Variants in TSNARE1 observed in about 807,000 individuals in gnomAD.
TSNARE1 encodes the protein t-SNARE domain-containing protein 1.
A neutral mutation model predicts 62.0 loss-of-function variants in TSNARE1; 49 were observed. The observed-to-expected ratio is 0.79, with a 90% CI of 0.63 to 1.00. The LOEUF is 1.00. Among genes scored for constraint, TSNARE1 ranks in the 50% least tolerant of loss-of-function variants. The probability of loss-of-function intolerance (pLI) is 0.00; values close to 1 mark genes in which losing one functional copy is unlikely to be tolerated. For missense variants in TSNARE1, 755 were observed against 700.1 expected (o/e 1.08, Z -0.88); for synonymous variants, 328 against 294.4 (o/e 1.11, Z -1.17).
At chr8:142,390,293 G>A (rs10112213) in intron 1 of TSNARE1, among the ~76,000 whole-genome samples, 37 of 107,322 alleles carry the variant, frequency 3.4e-4, no homozygotes, top group South Asian at 6.5e-4. Context: ...TGTACACTGC[G>A]GGGGACTCCG....
chr8:142,368,143 A>G (rs76453853), intron 1 of TSNARE1, among the ~76,000 whole-genome samples: 2 of 152,150 alleles, frequency 1.3e-5, no homozygotes, highest in African/African-American at 2.4e-5. Context: ...AAAAAAAAAA[A>G]GTACCCTAAG....
chr8:142,333,587 T>C (rs1225107980), intron 4 of TSNARE1, among the ~76,000 whole-genome samples: 1 of 152,088 alleles, frequency 6.6e-6, no homozygotes, highest in Non-Finnish European at 1.5e-5. Flanking sequence ...ATATCTGGGT[T>C]TCCACCAGGA....
At chr8:142,279,748 G>A (rs567673392) in intron 11 of TSNARE1, 47 of 442,608 alleles carry the variant, frequency 1.1e-4, no homozygotes, top group African/African-American at 7.1e-4. Flanking sequence ...GGTCTCCCTC[G>A]GAGGGTCTCC....
intron 9 of TSNARE1, among the ~76,000 whole-genome samples, chr8:142,306,472 T>G (rs1826685528): frequency 6.6e-6 from 1 of 152,202 alleles, no homozygotes; most frequent in Non-Finnish European, 1.5e-5. Flanking sequence ...GCTCACTGGC[T>G]GAGCCCAAGC....
At chr8:142,359,675 AC>A (rs998618825) in intron 1 of TSNARE1, among the ~76,000 whole-genome samples, 4 of 152,156 alleles carry the variant, frequency 2.6e-5, no homozygotes, top group Non-Finnish European at 4.4e-5. Flanking sequence ...CCTCACCTGC[AC>A]CTGCTCAGCA....
chr8:142,226,878 G>T (rs1023481810), intron 13 of TSNARE1, among the ~76,000 whole-genome samples: 2 of 152,120 alleles, frequency 1.3e-5, no homozygotes, highest in African/African-American at 2.4e-5. Flanking sequence ...TGGGCAAGCT[G>T]CTGAGCCTCA....
intron 12 of TSNARE1, among the ~76,000 whole-genome samples, chr8:142,233,510 A>G (rs993827841): frequency 2.0e-5 from 3 of 152,174 alleles, no homozygotes; most frequent in Admixed American, 6.5e-5. Context: ...ACCTCCCTGC[A>G]TCATGGGATC....
chr8:142,317,213 C>T (rs893025026), intron 7 of TSNARE1, among the ~76,000 whole-genome samples: 31 of 150,734 alleles, frequency 2.1e-4, no homozygotes, highest in African/African-American at 7.1e-4. Flanking sequence ...TCACACTGCA[C>T]GCGTGAAGCG....
At chr8:142,218,735 G>A (rs943459605) in intron 13 of TSNARE1, among the ~76,000 whole-genome samples, 3 of 152,026 alleles carry the variant, frequency 2.0e-5, no homozygotes, top group Admixed American at 6.6e-5. Flanking sequence ...AGCCCTCCCC[G>A]CCCCACCCTG....
intron 1 of TSNARE1, among the ~76,000 whole-genome samples, chr8:142,364,796 C>A (rs535128114): frequency 6.6e-6 from 1 of 152,130 alleles, no homozygotes; most frequent in South Asian, 2.1e-4. Context: ...TTGTGTAATT[C>A]ATTGAATAAA....
intron 12 of TSNARE1, chr8:142,270,029 T>G (rs999655272): frequency 3.0e-6 from 3 of 985,250 alleles, no homozygotes; most frequent in African/African-American, 3.5e-5. Context: ...TGCCTCCCAC[T>G]CAAGCCAGTC....
intron 6 of TSNARE1, among the ~76,000 whole-genome samples, chr8:142,321,578 G>A (rs1829491357): frequency 6.6e-6 from 1 of 152,020 alleles, no homozygotes; most frequent in Non-Finnish European, 1.5e-5. Context: ...CAGGTCAAGA[G>A]GGAAAAAAAC....
intron 2 of TSNARE1, among the ~76,000 whole-genome samples, chr8:142,353,584 G>C (rs547372362): frequency 2.0e-5 from 3 of 152,204 alleles, no homozygotes; most frequent in Non-Finnish European, 4.4e-5. Context: ...GCAGGCAGCC[G>C]CCCTCTCGAG....
At chr8:142,371,409 C>T (rs577560740) in intron 1 of TSNARE1, among the ~76,000 whole-genome samples, 13 of 152,244 alleles carry the variant, frequency 8.5e-5, no homozygotes, top group South Asian at 2.1e-4. Flanking sequence ...ACATCCTGGG[C>T]GGTGAAAATG....
chr8:142,327,174 G>A (rs1334977192), intron 6 of TSNARE1, among the ~76,000 whole-genome samples: 4 of 152,314 alleles, frequency 2.6e-5, no homozygotes, highest in South Asian at 2.1e-4. Context: ...AACATTCACC[G>A]CAGCTTTATT....
At chr8:142,234,074 C>G (rs1481404841) in intron 12 of TSNARE1, among the ~76,000 whole-genome samples, 1 of 152,184 alleles carries the variant, frequency 6.6e-6, no homozygotes. Context: ...AACAAGTGAC[C>G]CCAATCATGG....
intron 10 of TSNARE1, among the ~76,000 whole-genome samples, chr8:142,290,198 G>A (rs544561199): frequency 6.6e-6 from 1 of 152,092 alleles, no homozygotes; most frequent in Non-Finnish European, 1.5e-5. Context: ...GAGAGGCCAA[G>A]GCCAGGCCTG....
intron 12 of TSNARE1, chr8:142,274,469 G>A (rs1190326255): frequency 2.0e-6 from 2 of 985,382 alleles, no homozygotes; most frequent in African/African-American, 3.5e-5. Flanking sequence ...TGGCACAGGA[G>A]GTGGAGCGGG....
chr8:142,235,458 A>G (rs1018396601), intron 12 of TSNARE1, among the ~76,000 whole-genome samples: 1 of 126,690 alleles, frequency 7.9e-6, no homozygotes, highest in Non-Finnish European at 1.6e-5. Context: ...CCCATTCCTC[A>G]GGAACCGCTT....
Sources: gnomAD v4.1 joint callset for allele counts (sites outside exome capture counted in the v4.1 genomes callset) on GRCh38, gnomAD v4.1.1 for gene constraint, MANE v1.5 for transcripts, NCBI Gene and HGNC (gene_info 2026-07-23, HGNC 2026-07-21) for gene names.